Variants in PTHLH observed in about 807,000 individuals in gnomAD.
PTHLH encodes the protein parathyroid hormone-related protein.
A neutral mutation model predicts 18.6 loss-of-function variants in PTHLH; 5 were observed. That is an observed-to-expected ratio of 0.27 (90% CI 0.14 to 0.56). The LOEUF (loss-of-function observed/expected upper bound fraction) is 0.56. Among genes scored for constraint, PTHLH ranks in the 20% least tolerant of loss-of-function variants. The pLI is 0.92. For missense variants in PTHLH, 207 were observed against 223.9 expected, an observed-to-expected ratio of 0.92 and a Z score of 0.48; for synonymous variants, 90 against 94.0, an observed-to-expected ratio of 0.96 and a Z score of 0.25.
At chr12:27,964,336 G>C (rs982132575) in intron 4 of PTHLH, among the ~76,000 whole-genome samples, 15 of 151,398 alleles carry the variant, frequency 9.9e-5, no homozygotes, top group Admixed American at 2.6e-4. Flanking sequence ...ACAGCAAGCC[G>C]TAAGAGTAAA....
intron 4 of PTHLH, among the ~76,000 whole-genome samples, chr12:27,966,351 T>C (rs2062813266): frequency 6.6e-6 from 1 of 152,226 alleles, no homozygotes; most frequent in Admixed American, 6.5e-5. Flanking sequence ...AAAACACAAG[T>C]TTTCTTAAAT....
intron 4 of PTHLH, among the ~76,000 whole-genome samples, chr12:27,967,236 T>G (rs1311988267): frequency 6.6e-6 from 1 of 152,212 alleles, no homozygotes; most frequent in African/African-American, 2.4e-5. Flanking sequence ...CTTTCCAGTA[T>G]CCAACTTGAT....
intron 4 of PTHLH, among the ~76,000 whole-genome samples, chr12:27,964,636 A>G (rs1199622371): frequency 6.6e-6 from 1 of 152,086 alleles, no homozygotes; most frequent in East Asian, 1.9e-4. Flanking sequence ...TTCAGAGAGT[A>G]TGATCCTTAC....
At position 27,964,234 on chromosome 12, in the gene PTHLH, T is replaced by TTCTCTC. The variant is rs60461766; in HGVS notation, c.102-470_102-465dup. ...AAAGGCAGCTGCTTTTACCTGAGTA[T>TTCTCTC]TCTCTCTCTCTCTCTCTCTCTCTCT... On this transcript the variant is annotated intron_variant, in intron 4 of 5. Transcript: ENST00000545234. Among the ~76,000 whole-genome samples, 702 of 144,642 alleles carry TTCTCTC rather than the reference T, an allele frequency of 4.9e-3. 6 individuals are homozygous for TTCTCTC. The highest frequency in any genetic ancestry group is 0.017 in the East Asian group (82 of 4,858). The allele number at this position is 144,642 out of a possible 152,430, so 94.9% of individuals were successfully genotyped here. A position where few individuals can be genotyped will look rare whatever the true frequency, so the allele number is the denominator to read the frequency against.
In PTHLH at chr12:27,963,584, C is replaced by A. The variant is rs763857888; in HGVS notation, c.288G>T (p.Gly96=). The change falls in exon 5 of 6, where the codon GGG becomes GGT. Residue 96 remains glycine, a synonymous_variant. Coordinates refer to ENST00000545234, the MANE Select transcript of PTHLH (RefSeq NM_198965.2). ...TTAGGTATCTGCCCTCATCATCAGA[C>A]CCAAATCGGACGGGGTGGTTCTTTG... The part of the protein sequence containing the change: ...PNTKNHPVRF[G]SDDEGRYLTQ... 6.2e-6 allele frequency: 10 copies of A among 1,614,170 alleles called. No individual in the cohort carries two copies. In the East Asian group the frequency reaches 2.2e-4, roughly 36 times the overall value.
chr12:27,963,460 T>C lies in PTHLH; in HGVS notation c.412A>G (p.Lys138Glu). ...GCAGAGCGAGTTCGCCGTTTTTTCT[T>C]TTCCTGCTCCTTGCGTTTCCCGGGC... ...GKPGKRKEQEKKKRRTRSAWL... is the reference protein window; with the variant it reads ...GKPGKRKEQEEKKRRTRSAWL... The change falls in exon 5 of 6, where the codon AAG becomes GAG. Residue 138 changes from lysine to glutamate, a missense_variant. Lys to Glu is a moderately conservative substitution (Grantham distance 56, BLOSUM62 1). Coordinates refer to ENST00000545234, the MANE Select transcript of PTHLH (RefSeq NM_198965.2). 3.7e-6 allele frequency: 6 copies of C among 1,614,212 alleles called. No individual in the cohort carries two copies. The highest frequency in any genetic ancestry group is 5.1e-6 in the Non-Finnish European group (6 of 1,180,040).
At position 27,970,093 on chromosome 12, in the gene PTHLH, T is replaced by G. The variant is rs779560801; in HGVS notation, c.-91A>C. 1.2e-5 allele frequency: 6 copies of G among 518,890 alleles called. No homozygotes were observed. Among genetic ancestry groups the G allele is most frequent in the Non-Finnish European group, 1.9e-5 (5 of 259,868 alleles). The allele number at this position is 518,890 out of a possible 1,614,324, so 32.1% of individuals were successfully genotyped here. A position where few individuals can be genotyped will look rare whatever the true frequency, so the allele number is the denominator to read the frequency against. Reference sequence around the variant, plus strand: ...ACCCTGAGAACAAGTTTCAAGTGCGTGTGTCGTCGATCAGGAGGGCCAGGT... The same window carrying G: ...ACCCTGAGAACAAGTTTCAAGTGCGGGTGTCGTCGATCAGGAGGGCCAGGT... On this transcript the variant is annotated 5_prime_UTR_variant, in exon 3 of 6. Coordinates refer to ENST00000545234, the MANE Select transcript of PTHLH (RefSeq NM_198965.2).
intron 4 of PTHLH, among the ~76,000 whole-genome samples, chr12:27,967,412 A>T (rs2062824562): frequency 6.6e-6 from 1 of 152,246 alleles, no homozygotes; most frequent in African/African-American, 2.4e-5. Context: ...CTTCTAAAGC[A>T]GTTTCCCTAA....
chr12:27,971,961 G>T lies in PTHLH; in HGVS notation c.-300C>A, dbSNP rs1591854738. The T allele has an allele frequency of 9.1e-6, 1 of 109,312 alleles. No homozygotes were observed. Among genetic ancestry groups the T allele is most frequent in the South Asian group, 3.1e-4 (1 of 3,246 alleles). The allele number at this position is 109,312 out of a possible 1,614,324, so 6.8% of individuals were successfully genotyped here. A position where few individuals can be genotyped will look rare whatever the true frequency, so the allele number is the denominator to read the frequency against. On this transcript the variant is annotated 5_prime_UTR_variant, in exon 2 of 6. Transcript: ENST00000545234. ...TCGAACACTTTCTGATTTATAAAAA[G>T]AATCCTTCCAAAAAGATGCAGGAGC...
intron 4 of PTHLH, among the ~76,000 whole-genome samples, chr12:27,967,729 G>C (rs1426954485): frequency 3.3e-5 from 5 of 152,182 alleles, no homozygotes; most frequent in African/African-American, 1.2e-4. Flanking sequence ...CATCTGCTGA[G>C]TGTGAGTGTT....
chr12:27,969,271 C>T, intron 4 of PTHLH, 123 bp downstream of exon 4: 1 of 957,844 alleles, frequency 1.0e-6, no homozygotes, highest in East Asian at 2.6e-5. Flanking sequence ...CCGGGATGGT[C>T]CCTCTCCCTA....
At chr12:27,971,544 T>G (rs1022948979) in intron 2 of PTHLH, among the ~76,000 whole-genome samples, 3 of 152,060 alleles carry the variant, frequency 2.0e-5, no homozygotes, top group Middle Eastern at 3.2e-3. Context: ...AGCCCGACTT[T>G]CCGGGTGATG....
At chr12:27,961,156 G>C (rs2062749239) in intron 5 of PTHLH, among the ~76,000 whole-genome samples, 2 of 151,538 alleles carry the variant, frequency 1.3e-5, no homozygotes, top group Non-Finnish European at 1.5e-5. Context: ...CTTAGGGGTA[G>C]TTCCAGGCGT....
intron 2 of PTHLH, 22 bp from the exon 3 acceptor site, chr12:27,970,289 C>A: frequency 2.8e-6 from 1 of 352,040 alleles, no homozygotes; most frequent in Non-Finnish European, 5.7e-6. Context: ...GTGAGCTAGT[C>A]GCAAAGAGGT....
chr12:27,970,663 G>A (rs924318267), intron 2 of PTHLH, among the ~76,000 whole-genome samples: 5 of 152,074 alleles, frequency 3.3e-5, no homozygotes, highest in African/African-American at 9.7e-5. Context: ...GGCAGCCGGC[G>A]GTCCCCGGCG....
chr12:27,969,933 C>T (rs1243460416), intron 3 of PTHLH, 92 bp downstream of exon 3: 2 of 519,538 alleles, frequency 3.8e-6, no homozygotes, highest in Non-Finnish European at 7.7e-6. Flanking sequence ...AAAGTTTCCC[C>T]CTCTGAAGTC....
At chr12:27,962,476 T>C (rs1234186650) in intron 5 of PTHLH, 2 of 911,972 alleles carry the variant, frequency 2.2e-6, no homozygotes, top group African/African-American at 3.6e-5. Context: ...TTGCCCTAGG[T>C]TGTGAACTTA....
At chr12:27,962,986 G>C in intron 5 of PTHLH, 1 of 1,165,072 alleles carries the variant, frequency 8.6e-7, no homozygotes, top group Non-Finnish European at 1.1e-6. Flanking sequence ...GTTTGCCCAG[G>C]TGTGAGAGTA....
intron 4 of PTHLH, among the ~76,000 whole-genome samples, chr12:27,965,437 A>G (rs2062804215): frequency 6.6e-6 from 1 of 152,244 alleles, no homozygotes; most frequent in South Asian, 2.1e-4. Flanking sequence ...TATTGCCCAG[A>G]AAGTTCATTT....
Sources: gnomAD v4.1 joint callset for allele counts (sites outside exome capture counted in the v4.1 genomes callset) on GRCh38, gnomAD v4.1.1 for gene constraint, MANE v1.5 for transcripts, NCBI Gene and HGNC (gene_info 2026-07-23, HGNC 2026-07-21) for gene names.